TNR: variants seen among roughly 807,000 people sequenced by gnomAD.
TNR encodes the protein tenascin R.
In TNR, 45 loss-of-function variants were observed where a neutral mutation model predicts 150.4. That is an observed-to-expected ratio of 0.30 (90% CI 0.24 to 0.38). The LOEUF (loss-of-function observed/expected upper bound fraction) is 0.38. Ranked by LOEUF, TNR falls within the 10% of genes least tolerant of loss-of-function variation. The pLI is 1.00. For synonymous variants in TNR, 687 were observed against 678.4 expected (o/e 1.01, Z -0.20); for missense variants, 1,544 against 1,759.1 (o/e 0.88, Z 2.19).
At chr1:175,663,850 A>T (rs1665453270) in intron 1 of TNR, among the ~76,000 whole-genome samples, 1 of 152,242 alleles carries the variant, frequency 6.6e-6, no homozygotes, top group African/African-American at 2.4e-5. Flanking sequence ...CATATCACCC[A>T]ATTGACAGGA....
intron 12 of TNR, 26 bp downstream of exon 12, chr1:175,364,984 C>T (rs969656332): frequency 6.3e-7 from 1 of 1,576,894 alleles, no homozygotes; most frequent in Non-Finnish European, 8.6e-7. Flanking sequence ...CCTTTCATCA[C>T]CTGCTGCCAA....
intron 8 of TNR, among the ~76,000 whole-genome samples, chr1:175,380,739 C>T (rs1220453607): frequency 6.6e-6 from 1 of 152,190 alleles, no homozygotes; most frequent in African/African-American, 2.4e-5. Flanking sequence ...CCTCAAGCTG[C>T]TTTGGGCAGA....
chr1:175,460,987 A>G (rs931725614), intron 2 of TNR, among the ~76,000 whole-genome samples: 58 of 152,300 alleles, frequency 3.8e-4, no homozygotes, highest in African/African-American at 1.3e-3. Flanking sequence ...ACACACATGT[A>G]TGTGCACACA....
chr1:175,451,722 T>C (rs1656330843), intron 2 of TNR, among the ~76,000 whole-genome samples: 1 of 152,158 alleles, frequency 6.6e-6, no homozygotes, highest in South Asian at 2.1e-4. Context: ...AGCTATCTGC[T>C]CCCAGCTTGG....
chr1:175,552,430 C>T (rs1411741491), intron 1 of TNR, among the ~76,000 whole-genome samples: 3 of 152,178 alleles, frequency 2.0e-5, no homozygotes, highest in African/African-American at 7.2e-5. Context: ...TGGTGCTGTC[C>T]AGTTTACAAA....
intron 1 of TNR, among the ~76,000 whole-genome samples, chr1:175,575,888 G>A (rs1287849638): frequency 6.6e-6 from 1 of 152,202 alleles, no homozygotes; most frequent in Non-Finnish European, 1.5e-5. Context: ...GATGCCAGTG[G>A]AAAAGTCATC....
At chr1:175,574,810 G>A (rs1360151270) in intron 1 of TNR, among the ~76,000 whole-genome samples, 1 of 152,234 alleles carries the variant, frequency 6.6e-6, no homozygotes, top group African/African-American at 2.4e-5. Flanking sequence ...CAGAGGCACG[G>A]AAGGCAGATC....
At chr1:175,535,418 G>C (rs956834762) in intron 1 of TNR, among the ~76,000 whole-genome samples, 2 of 151,540 alleles carry the variant, frequency 1.3e-5, no homozygotes, top group African/African-American at 4.9e-5. Flanking sequence ...TGCTTTATCT[G>C]TATTTCTTTT....
intron 1 of TNR, among the ~76,000 whole-genome samples, chr1:175,650,854 CAT>C (rs1491216946): frequency 2.4e-4 from 17 of 69,620 alleles, no homozygotes; most frequent in Middle Eastern, 7.4e-3. Flanking sequence ...CATTACTACC[CAT>C]CTCCCACCTC....
rs143392973 is a variant in TNR, at chr1:175,645,929, C to T, written c.-165+97297G>A. 2.4e-3 allele frequency among the ~76,000 whole-genome samples: 362 copies of T among 150,596 alleles called. 5 individuals carry two copies. The highest frequency in any genetic ancestry group is 8.5e-3 in the African/African-American group (340 of 40,116). Reference sequence around the variant, plus strand: ...ATAAGCCCTGCATATAAGACAAAGCCGGTATTTTTTACAAAAGTCAGGAAA... The same window carrying T: ...ATAAGCCCTGCATATAAGACAAAGCTGGTATTTTTTACAAAAGTCAGGAAA... On this transcript the variant is annotated intron_variant, in intron 1 of 22. Coordinates refer to ENST00000367674, the MANE Select transcript of TNR (RefSeq NM_003285.3).
intron 2 of TNR, among the ~76,000 whole-genome samples, chr1:175,504,481 G>A (rs1042095407): frequency 1.6e-4 from 24 of 152,098 alleles, no homozygotes; most frequent in African/African-American, 4.8e-4. Context: ...TCTAAACTCC[G>A]TCCTTCACCC....
chr1:175,421,210 C>G lies in TNR; in HGVS notation c.-63-14433G>C, dbSNP rs974093. ...CGGAGGGAAACTTTGCTGTTTCTCTCTATGGATTTACTCAACAATTCTCCT... is the reference window on the plus strand; with the variant it reads ...CGGAGGGAAACTTTGCTGTTTCTCTGTATGGATTTACTCAACAATTCTCCT... On this transcript the variant is annotated intron_variant, in intron 2 of 22. Coordinates refer to ENST00000367674, the MANE Select transcript of TNR (RefSeq NM_003285.3). 5.3e-3 allele frequency among the ~76,000 whole-genome samples: 811 copies of G among 152,232 alleles called. 4 individuals are homozygous for G. Among genetic ancestry groups the G allele is most frequent in the African/African-American group, 0.019 (781 of 41,530 alleles).
intron 1 of TNR, among the ~76,000 whole-genome samples, chr1:175,544,504 A>G (rs1272440591): frequency 1.3e-5 from 2 of 152,234 alleles, no homozygotes; most frequent in Admixed American, 6.5e-5. Context: ...TAGGAAGATA[A>G]GAAAATGAGT....
rs1222726760 is a variant in TNR at position 175,406,440 on chromosome 1, C to G, written c.275G>C (p.Ser92Thr). ...CTCTGCCAGAGTCTCGTCTTCTGCACTCACCTCCTGCTCAGCAGAGGCCTC... is the reference window on the plus strand; with the variant it reads ...CTCTGCCAGAGTCTCGTCTTCTGCAGTCACCTCCTGCTCAGCAGAGGCCTC... The part of the protein sequence containing the change: ...GLEASAEQEV[S>T]AEDETLAEYM... Residue 92 changes from serine (S) to threonine (T), a missense_variant, in exon 3 of 23, where the codon AGT becomes ACT. By Grantham distance (58) the Ser-to-Thr change is moderately conservative. Coordinates refer to ENST00000367674, the MANE Select transcript of TNR (RefSeq NM_003285.3). 2 of 1,614,068 alleles carry G rather than the reference C, an allele frequency of 1.2e-6. No individual in the cohort carries two copies. Among genetic ancestry groups the G allele is most frequent in the Non-Finnish European group, 1.7e-6 (2 of 1,180,046 alleles).
chr1:175,508,522 T>C (rs1659043544), intron 2 of TNR, among the ~76,000 whole-genome samples: 1 of 152,196 alleles, frequency 6.6e-6, no homozygotes, highest in African/African-American at 2.4e-5. Flanking sequence ...GACTGGGTTA[T>C]AAAAAGGCTG....
chr1:175,580,118 G>T (rs1023306087), intron 1 of TNR, among the ~76,000 whole-genome samples: 1 of 152,160 alleles, frequency 6.6e-6, no homozygotes, highest in African/African-American at 2.4e-5. Context: ...AAAGTGGGGA[G>T]GTGGCTCTGG....
chr1:175,705,427 T>C (rs1294261082), intron 1 of TNR, among the ~76,000 whole-genome samples: 1 of 152,194 alleles, frequency 6.6e-6, no homozygotes, highest in Non-Finnish European at 1.5e-5. Context: ...TGAAATTAAA[T>C]GTAAGTGTTC....
intron 1 of TNR, among the ~76,000 whole-genome samples, chr1:175,576,262 G>T (rs1662107065): frequency 6.6e-6 from 1 of 152,176 alleles, no homozygotes; most frequent in South Asian, 2.1e-4. Flanking sequence ...CTCTCAGTCA[G>T]CTTGGCAATT....
intron 2 of TNR, among the ~76,000 whole-genome samples, chr1:175,504,673 C>A (rs912827415): frequency 3.3e-5 from 5 of 152,126 alleles, no homozygotes; most frequent in African/African-American, 1.2e-4. Flanking sequence ...GCATGGAGCC[C>A]CCGGCCTTCC....
Sources: allele counts gnomAD v4.1 joint callset (sites outside exome capture counted in the v4.1 genomes callset), GRCh38; gene constraint gnomAD v4.1.1; transcripts MANE v1.5; gene names NCBI Gene and HGNC (gene_info 2026-07-23, HGNC 2026-07-21).